SRGAP1: variants seen among roughly 807,000 people sequenced by gnomAD.
The protein encoded by SRGAP1 is SLIT-ROBO Rho GTPase activating protein 1.
Under a neutral mutation model 121.9 loss-of-function variants are expected in SRGAP1, and 43 were observed. That is an observed-to-expected ratio of 0.35 (90% CI 0.28 to 0.46). SRGAP1 has a LOEUF of 0.46. Ranked by LOEUF, SRGAP1 falls within the 20% of genes least tolerant of loss-of-function variation. The pLI is 1.00. For missense variants in SRGAP1, 1,102 were observed against 1,350.9 expected, an observed-to-expected ratio of 0.82 and a Z score of 2.89; for synonymous variants, 447 against 485.4, an observed-to-expected ratio of 0.92 and a Z score of 1.04.
intron 1 of SRGAP1, among the ~76,000 whole-genome samples, chr12:63,917,982 A>G (rs2030864922): frequency 6.6e-6 from 1 of 152,156 alleles, no homozygotes; most frequent in Admixed American, 6.5e-5. Context: ...TGCCATACTC[A>G]CTGGAAGTTT....
At chr12:63,892,453 C>T (rs1900618479) in intron 1 of SRGAP1, among the ~76,000 whole-genome samples, 1 of 152,148 alleles carries the variant, frequency 6.6e-6, no homozygotes, top group Non-Finnish European at 1.5e-5. Context: ...TGAACATATT[C>T]ATCTCTCACT....
intron 1 of SRGAP1, among the ~76,000 whole-genome samples, chr12:63,872,329 A>G (rs1313201960): frequency 2.6e-5 from 4 of 152,190 alleles, no homozygotes; most frequent in African/African-American, 9.6e-5. Context: ...GAAAATCCCC[A>G]AGTCACCAAG....
chr12:63,973,104 C>T (rs896841814), intron 1 of SRGAP1, among the ~76,000 whole-genome samples: 4 of 152,096 alleles, frequency 2.6e-5, no homozygotes, highest in Non-Finnish European at 2.9e-5. Flanking sequence ...GCCAAGATCG[C>T]GCTACTGCAT....
chr12:63,883,479 T>A (rs1279583853), intron 1 of SRGAP1, among the ~76,000 whole-genome samples: 1 of 152,152 alleles, frequency 6.6e-6, no homozygotes, highest in East Asian at 1.9e-4. Context: ...AACGCCTTCC[T>A]AAATTAAAAA....
At chr12:64,075,044 C>T (rs1426829125) in intron 8 of SRGAP1, among the ~76,000 whole-genome samples, 3 of 151,862 alleles carry the variant, frequency 2.0e-5, no homozygotes, top group Non-Finnish European at 1.5e-5. Context: ...GACCCTAACC[C>T]AGCGGCGCTA....
At chr12:63,925,769 C>T (rs1405157646) in intron 1 of SRGAP1, among the ~76,000 whole-genome samples, 1 of 152,106 alleles carries the variant, frequency 6.6e-6, no homozygotes, top group Non-Finnish European at 1.5e-5. Context: ...CAGGCCAGCC[C>T]GTCCACAGAT....
At chr12:63,869,538 C>T (rs77059837) in intron 1 of SRGAP1, among the ~76,000 whole-genome samples, 5,373 of 152,252 alleles carry the variant, frequency 0.035, 146 homozygotes, top group Middle Eastern at 0.085. Context: ...CCCAAATACT[C>T]CCTAAATGTC....
intron 3 of SRGAP1, among the ~76,000 whole-genome samples, chr12:64,001,065 TACAC>T (rs1347908843): frequency 6.6e-6 from 1 of 152,082 alleles, no homozygotes; most frequent in Non-Finnish European, 1.5e-5. Context: ...CACATACACA[TACAC>T]ACACAAACAC....
At chr12:63,886,707 A>G (rs9630305) in intron 1 of SRGAP1, among the ~76,000 whole-genome samples, 1,646 of 151,968 alleles carry the variant, frequency 0.011, 32 homozygotes, top group African/African-American at 0.038. Context: ...CCTGAGCTCA[A>G]GCCATCCTTC....
In SRGAP1 at chr12:64,055,610, A is replaced by G. The variant is rs187885256; in HGVS notation, c.802-7307A>G. Among the ~76,000 whole-genome samples, 9 of 151,966 alleles carry G rather than the reference A, an allele frequency of 5.9e-5. No individual in the cohort carries two copies. The East Asian group carries it at 1.7e-3, about 30-fold the overall frequency. On this transcript the variant is annotated intron_variant, in intron 6 of 21. Transcript: ENST00000355086. Reference sequence around the variant, plus strand: ...ACTACCTGACTTCAAACTATACTACAAGGCTACAGTAACCAAAACAGCATG... The same window carrying G: ...ACTACCTGACTTCAAACTATACTACGAGGCTACAGTAACCAAAACAGCATG...
chr12:64,131,162 A>G (rs879332786), intron 21 of SRGAP1, among the ~76,000 whole-genome samples: 2 of 152,132 alleles, frequency 1.3e-5, no homozygotes, highest in Admixed American at 1.3e-4. Context: ...GTGTCCACAG[A>G]ATGGCTCATC....
rs2034733572 is a variant in SRGAP1 at position 64,029,803 on chromosome 12, C to CCTGGCCAACACGGTGAA, written c.489+12791_489+12792insCTGGCCAACACGGTGAA. Among the ~76,000 whole-genome samples the CCTGGCCAACACGGTGAA allele has an allele frequency of 6.2e-4, 69 of 111,242 alleles. 3 individuals carry two copies. The highest frequency in any genetic ancestry group is 1.2e-3 in the Admixed American group (14 of 11,392). 73.0% of individuals were successfully genotyped at this position (111,242 alleles called of 152,430 possible). On this transcript the variant is annotated intron_variant, in intron 4 of 21. Coordinates refer to ENST00000355086, the MANE Select transcript of SRGAP1 (RefSeq NM_020762.4). ...CTTGAGGTCAGGAGTTCGAGACCAG[C>CCTGGCCAACACGGTGAA]AGGCTGAGGCAGGAGAATCACCTGA...
chr12:63,911,034 T>A (rs1213706193), intron 1 of SRGAP1, among the ~76,000 whole-genome samples: 1 of 151,980 alleles, frequency 6.6e-6, no homozygotes, highest in African/African-American at 2.4e-5. Context: ...GTGCGGTGGC[T>A]CATGCCTGTA....
At chr12:64,012,409 T>C (rs1223718731) in intron 3 of SRGAP1, among the ~76,000 whole-genome samples, 1 of 152,090 alleles carries the variant, frequency 6.6e-6, no homozygotes, top group Non-Finnish European at 1.5e-5. Flanking sequence ...GAATATATTA[T>C]TGGGTAACAA....
chr12:63,991,167 C>A (rs191312653), intron 3 of SRGAP1, among the ~76,000 whole-genome samples: 1 of 152,200 alleles, frequency 6.6e-6, no homozygotes, highest in East Asian at 1.9e-4. Context: ...AGTTTTCCCC[C>A]ACTCTCTCAG....
At chr12:63,958,191 A>G (rs1327027642) in intron 1 of SRGAP1, among the ~76,000 whole-genome samples, 3 of 152,190 alleles carry the variant, frequency 2.0e-5, no homozygotes, top group African/African-American at 7.2e-5. Flanking sequence ...GACAGCTTGA[A>G]GAAAACACCC....
chr12:63,899,729 G>C (rs983183882), intron 1 of SRGAP1, among the ~76,000 whole-genome samples: 4 of 152,208 alleles, frequency 2.6e-5, no homozygotes, highest in Non-Finnish European at 5.9e-5. Flanking sequence ...ATTATGTACA[G>C]GGAAACCTTG....
chr12:63,886,571 C>G (rs1900390913), intron 1 of SRGAP1, among the ~76,000 whole-genome samples: 1 of 152,040 alleles, frequency 6.6e-6, no homozygotes, highest in Non-Finnish European at 1.5e-5. Context: ...CTTGACTTTC[C>G]TGGGCTCAGG....
intron 1 of SRGAP1, among the ~76,000 whole-genome samples, chr12:63,935,833 G>A (rs2031644559): frequency 6.6e-6 from 1 of 152,198 alleles, no homozygotes; most frequent in South Asian, 2.1e-4. Context: ...TTGAGATCCT[G>A]TAACTGTTAT....
Sources: allele counts gnomAD v4.1 joint callset (sites outside exome capture counted in the v4.1 genomes callset), GRCh38; gene constraint gnomAD v4.1.1; transcripts MANE v1.5; gene names NCBI Gene and HGNC (gene_info 2026-07-23, HGNC 2026-07-21).